Variants in SLC13A4 observed in about 807,000 individuals in gnomAD.
SLC13A4 encodes Na(+)/sulfate cotransporter SUT-1.
Under a neutral mutation model 72.7 loss-of-function variants are expected in SLC13A4, and 28 were observed. That is an observed-to-expected ratio of 0.39 (90% confidence interval 0.29 to 0.53). SLC13A4 has a LOEUF of 0.53. Among genes scored for constraint, SLC13A4 ranks in the 20% least tolerant of loss-of-function variants. The probability of loss-of-function intolerance (pLI) is 0.78; values close to 1 mark genes in which losing one functional copy is unlikely to be tolerated. For missense variants in SLC13A4, 653 were observed against 788.0 expected, an observed-to-expected ratio of 0.83 and a Z score of 2.05; for synonymous variants, 312 against 325.5, an observed-to-expected ratio of 0.96 and a Z score of 0.45.
intron 2 of SLC13A4, among the ~76,000 whole-genome samples, chr7:135,720,644 G>A (rs1207110085): frequency 6.6e-6 from 1 of 150,970 alleles, no homozygotes; most frequent in Non-Finnish European, 1.5e-5. Context: ...GGAACCAGGT[G>A]TTACTGAATG....
At chr7:135,703,745 C>T (rs1019223960) in intron 5 of SLC13A4, 7 of 152,278 alleles carry the variant, frequency 4.6e-5, no homozygotes, top group African/African-American at 9.7e-5. Context: ...CACACACATG[C>T]GGGATGTGGG....
At chr7:135,715,512 TGTGA>T (rs1250107322) in intron 2 of SLC13A4, among the ~76,000 whole-genome samples, 2 of 140,634 alleles carry the variant, frequency 1.4e-5, no homozygotes, top group Admixed American at 1.5e-4. Context: ...GGAGTGTGTA[TGTGA>T]GTGTGTGAGT....
Position 135,695,403 on chromosome 7 carries a change from G to T in SLC13A4, c.984C>A (p.Ser328Arg). 6.2e-7 allele frequency: 1 copy of T among 1,614,168 alleles called. No homozygotes were observed. The highest frequency in any genetic ancestry group is 2.2e-5 in the East Asian group (1 of 44,882). ...FPISLIMLVVSWFWMHWLFLG... is the reference protein window; with the variant it reads ...FPISLIMLVVRWFWMHWLFLG... ...GGAACAGCCAGTGCATCCAGAACCAGCTGACCACCAGCATGATGAGGGATA... is the reference window on the plus strand; with the variant it reads ...GGAACAGCCAGTGCATCCAGAACCATCTGACCACCAGCATGATGAGGGATA... Residue 328 changes from serine to arginine, a missense_variant, in exon 9 of 16, where the codon AGC becomes AGA. Coordinates refer to ENST00000682651, the MANE Select transcript of SLC13A4 (RefSeq NM_001318192.2).
chr7:135,697,601 T>C (rs865830885), intron 8 of SLC13A4, among the ~76,000 whole-genome samples: 103 of 145,156 alleles, frequency 7.1e-4, no homozygotes, highest in African/African-American at 2.5e-3. Context: ...TTTTTTTTTT[T>C]TCTTTTTCAT....
intron 15 of SLC13A4, 67 bp from the exon 16 acceptor site, chr7:135,681,767 C>G (rs1795508201): frequency 5.7e-6 from 9 of 1,568,484 alleles, no homozygotes; most frequent in Non-Finnish European, 7.8e-6. Flanking sequence ...CCAAGTCCCC[C>G]TTCTGTTCCT....
chr7:135,721,279 G>T, intron 2 of SLC13A4, 116 bp downstream of exon 2: 1 of 1,247,440 alleles, frequency 8.0e-7, no homozygotes, highest in Non-Finnish European at 1.1e-6. Flanking sequence ...GGTCATTCCA[G>T]TGGGTGACAA....
chr7:135,719,811 G>GTA (rs139382945), intron 2 of SLC13A4, among the ~76,000 whole-genome samples: 12,917 of 143,624 alleles, frequency 0.09, 1,526 homozygotes, highest in African/African-American at 0.29. Context: ...GTATGTGTGT[G>GTA]TGTGTGTGTG....
intron 3 of SLC13A4, 65 bp downstream of exon 3, chr7:135,708,049 T>C: frequency 1.3e-6 from 2 of 1,576,052 alleles, no homozygotes; most frequent in Non-Finnish European, 1.7e-6. Context: ...CTGAGACCAC[T>C]GTCCTGGTGG....
At chr7:135,710,452 A>G (rs1042222574) in intron 2 of SLC13A4, among the ~76,000 whole-genome samples, 1 of 152,208 alleles carries the variant, frequency 6.6e-6, no homozygotes, top group Non-Finnish European at 1.5e-5. Context: ...ACAAGAAGTC[A>G]ACTGATAGCC....
At chr7:135,724,449 G>A (rs544858879) in intron 1 of SLC13A4, among the ~76,000 whole-genome samples, 4 of 141,314 alleles carry the variant, frequency 2.8e-5, no homozygotes, top group South Asian at 4.6e-4. Context: ...GTGAGCCAAG[G>A]TTGTGCCACT....
Position 135,691,187 on chromosome 7 carries a change from A to T in SLC13A4, c.1446+14T>A, listed in dbSNP as rs764466221. On this transcript the variant is annotated intron_variant, in intron 13 of 15. Coordinates refer to ENST00000682651, the MANE Select transcript of SLC13A4 (RefSeq NM_001318192.2). Reference sequence around the variant, plus strand: ...AAAAAAAAAAACCCCAAAAAAACAGAATTCAAGAATTACCTTGCTACCAGA... The same window carrying T: ...AAAAAAAAAAACCCCAAAAAAACAGTATTCAAGAATTACCTTGCTACCAGA... 13 of 1,579,824 alleles carry T rather than the reference A, an allele frequency of 8.2e-6. No individual in the cohort carries two copies. Among genetic ancestry groups the T allele is most frequent in the Non-Finnish European group, 1.1e-5 (13 of 1,169,042 alleles).
At chr7:135,696,061 G>T (rs1795898560) in intron 8 of SLC13A4, among the ~76,000 whole-genome samples, 1 of 152,222 alleles carries the variant, frequency 6.6e-6, no homozygotes, top group Non-Finnish European at 1.5e-5. Flanking sequence ...CAGAGCTGTG[G>T]CCCCTCAGCC....
chr7:135,695,969 T>G (rs1436767421), intron 8 of SLC13A4, among the ~76,000 whole-genome samples: 1 of 152,194 alleles, frequency 6.6e-6, no homozygotes, highest in Non-Finnish European at 1.5e-5. Flanking sequence ...AACCAGGACT[T>G]GGAATCTCCA....
rs796453706 is a variant in SLC13A4 at position 135,697,586 on chromosome 7, CT to C, written c.899+1777del. On this transcript the variant is annotated intron_variant, in intron 8 of 15. Coordinates refer to ENST00000682651, the MANE Select transcript of SLC13A4 (RefSeq NM_001318192.2). ...GGTTTCTCCTTTCCAATCTGTTCTC[CT>C]TTTTTTTTTTTTTTTCTTTTTCATC... 3.4e-3 allele frequency among the ~76,000 whole-genome samples: 462 copies of C among 135,384 alleles called. 2 individuals are homozygous for C. The highest frequency in any genetic ancestry group is 7.9e-3 in the African/African-American group (291 of 36,834). The allele number at this position is 135,384 out of a possible 152,430, so 88.8% of individuals were successfully genotyped here. A position where few individuals can be genotyped will look rare whatever the true frequency, so the allele number is the denominator to read the frequency against.
chr7:135,683,436 AT>A (rs1408291143), intron 15 of SLC13A4: 1 of 984,804 alleles, frequency 1.0e-6, no homozygotes, highest in Non-Finnish European at 1.2e-6. Flanking sequence ...ATGAAAAAAA[AT>A]TGTCAGACCA....
intron 8 of SLC13A4, 50 bp downstream of exon 8, chr7:135,699,314 G>C (rs1182468826): frequency 6.6e-7 from 1 of 1,516,586 alleles, no homozygotes; most frequent in Admixed American, 1.9e-5. Flanking sequence ...TCCAGTTCCT[G>C]ACACACAGTG....
intron 8 of SLC13A4, among the ~76,000 whole-genome samples, chr7:135,696,150 G>C (rs572082184): frequency 3.5e-4 from 53 of 152,170 alleles, no homozygotes; most frequent in Admixed American, 1.2e-3. Flanking sequence ...AGGCCTAAAT[G>C]ACCTATGCTG....
chr7:135,706,760 A>G (rs924508262), intron 3 of SLC13A4, among the ~76,000 whole-genome samples: 6 of 152,206 alleles, frequency 3.9e-5, no homozygotes, highest in African/African-American at 1.4e-4. Context: ...CAGTGACCCA[A>G]TAGAGATGAA....
intron 5 of SLC13A4, chr7:135,705,066 C>T (rs1042456125): frequency 6.5e-6 from 1 of 153,098 alleles, no homozygotes; most frequent in Non-Finnish European, 1.5e-5. Context: ...TTTTCCAGCT[C>T]TGCTTCCCAT....
Sources: gnomAD v4.1 joint callset for allele counts (sites outside exome capture counted in the v4.1 genomes callset) on GRCh38, gnomAD v4.1.1 for gene constraint, MANE v1.5 for transcripts, NCBI Gene and HGNC (gene_info 2026-07-23, HGNC 2026-07-21) for gene names.